The following RAB3IL1 variants were observed in gnomAD, a reference collection of about 807,000 sequenced individuals.
The protein encoded by RAB3IL1 is guanine nucleotide exchange factor for Rab-3A.
RAB3IL1 carries 37 observed loss-of-function variants against 49.2 expected under a neutral mutation model. That is an observed-to-expected ratio of 0.75 (90% CI 0.58 to 0.99). The LOEUF (loss-of-function observed/expected upper bound fraction) is 0.99, where lower values mean the gene tolerates loss of function less well. RAB3IL1 is among the 50% of genes least tolerant of loss of function. RAB3IL1 has a pLI of 0.00. For synonymous variants in RAB3IL1, 193 were observed against 213.9 expected (o/e 0.90, Z 0.85); for missense variants, 484 against 513.0 (o/e 0.94, Z 0.55).
chr11:61,945,802 G>A, the RAB3IL1 span: 1 of 985,384 alleles, frequency 1.0e-6, no homozygotes, highest in Non-Finnish European at 1.2e-6. Flanking sequence ...CAGAGTCCAT[G>A]GGGGACCTCG....
upstream of RAB3IL1, among the ~76,000 whole-genome samples, chr11:61,918,842 T>C (rs1939819017): frequency 6.6e-6 from 1 of 152,176 alleles, no homozygotes; most frequent in African/African-American, 2.4e-5. Flanking sequence ...CTTCCAACTT[T>C]CTAGAATCAT....
chr11:61,931,483 TCA>T, the RAB3IL1 span, among the ~76,000 whole-genome samples: 1 of 152,184 alleles, frequency 6.6e-6, no homozygotes, highest in Non-Finnish European at 1.5e-5. Context: ...ATGCTTGCCA[TCA>T]GTTTTTAAGA....
At chr11:61,936,659 AAAC>A in the RAB3IL1 span, among the ~76,000 whole-genome samples, 1 of 152,228 alleles carries the variant, frequency 6.6e-6, no homozygotes, top group Non-Finnish European at 1.5e-5. Context: ...AGAATCTTGA[AAAC>A]AACAAGAGAA....
chr11:61,938,486 G>A, the RAB3IL1 span, among the ~76,000 whole-genome samples: 1 of 152,022 alleles, frequency 6.6e-6, no homozygotes, highest in Admixed American at 6.6e-5. Flanking sequence ...TTGTTACAAG[G>A]GACAAAGAGA....
chr11:61,911,363 C>T (rs1320223577), intron 1 of RAB3IL1, among the ~76,000 whole-genome samples: 1 of 152,204 alleles, frequency 6.6e-6, no homozygotes, highest in Admixed American at 6.5e-5. Flanking sequence ...CCAGAATCTG[C>T]AGACCCTCTT....
the RAB3IL1 span, among the ~76,000 whole-genome samples, chr11:61,940,311 C>T: frequency 6.6e-6 from 1 of 151,852 alleles, no homozygotes; most frequent in African/African-American, 2.4e-5. Context: ...CATAGTGGCG[C>T]ATGCCTGTAA....
At chr11:61,905,630 G>C (rs983534853) in intron 5 of RAB3IL1, among the ~76,000 whole-genome samples, 2 of 152,086 alleles carry the variant, frequency 1.3e-5, no homozygotes. Flanking sequence ...TGTACATTCA[G>C]AAGCTCAGAG....
intron 9 of RAB3IL1, 80 bp downstream of exon 9, chr11:61,899,234 C>CAGGT: frequency 6.9e-7 from 1 of 1,447,156 alleles, no homozygotes; most frequent in Non-Finnish European, 9.4e-7. Context: ...CCACTAGGGG[C>CAGGT]AGGTGGGCCC....
the RAB3IL1 span, among the ~76,000 whole-genome samples, chr11:61,939,357 T>G: frequency 6.6e-6 from 1 of 152,154 alleles, no homozygotes; most frequent in East Asian, 1.9e-4. Context: ...CCAAAACTTA[T>G]CGAATACAGC....
At chr11:61,924,332 C>T (rs940741655), upstream of RAB3IL1, among the ~76,000 whole-genome samples, 1 of 152,154 alleles carries the variant, frequency 6.6e-6, no homozygotes, top group African/African-American at 2.4e-5. Flanking sequence ...TTGCTTCTTC[C>T]CCAAAAGATG....
the RAB3IL1 span, among the ~76,000 whole-genome samples, chr11:61,939,330 A>T: frequency 6.6e-6 from 1 of 152,150 alleles, no homozygotes; most frequent in Non-Finnish European, 1.5e-5. Context: ...GATGAATGAA[A>T]ATGAAAATAC....
intron 1 of RAB3IL1, 47 bp from the exon 2 acceptor site, chr11:61,908,353 G>A: frequency 5.7e-6 from 8 of 1,391,352 alleles, no homozygotes; most frequent in Non-Finnish European, 7.4e-6. Flanking sequence ...GGGTCCTGAG[G>A]CCTGGAGAGC....
In RAB3IL1 at chr11:61,898,407, C is replaced by A; in HGVS notation, c.1067-47G>T. The A allele has an allele frequency of 6.4e-7, 1 of 1,557,966 alleles. No homozygotes were observed. The highest frequency in any genetic ancestry group is 8.8e-7 in the Non-Finnish European group (1 of 1,132,242). ...ACAGGTCGGGGACAGCTCAGGGTCA[C>A]CTCGGGCAGATGGCCAGGTCCCCTC... On this transcript the variant is annotated intron_variant, in intron 9 of 9. Coordinates refer to ENST00000394836, the MANE Select transcript of RAB3IL1 (RefSeq NM_013401.4). This position sits in a 1 kb window ranked among gnomAD's most constrained non-coding sequence, Gnocchi z 5.1.
chr11:61,915,398 G>T (rs1170247549), intron 1 of RAB3IL1, among the ~76,000 whole-genome samples: 1 of 152,128 alleles, frequency 6.6e-6, no homozygotes, highest in Non-Finnish European at 1.5e-5. Context: ...GCTGTGTCTG[G>T]CCTTGGCCTG....
the RAB3IL1 span, among the ~76,000 whole-genome samples, chr11:61,943,149 A>C: frequency 1.3e-5 from 2 of 152,252 alleles, no homozygotes; most frequent in African/African-American, 4.8e-5. Flanking sequence ...GAAGTGACAT[A>C]TAGCTCAATA....
intron 1 of RAB3IL1, among the ~76,000 whole-genome samples, chr11:61,916,203 G>A (rs557986619): frequency 9.0e-4 from 137 of 152,052 alleles, no homozygotes; most frequent in Non-Finnish European, 1.5e-3. Flanking sequence ...AAAATTAGCC[G>A]GGTGTGGTGG....
chr11:61,904,445 TG>T, intron 7 of RAB3IL1, 100 bp downstream of exon 7: 1 of 1,162,642 alleles, frequency 8.6e-7, no homozygotes, highest in Non-Finnish European at 1.3e-6. Context: ...GTCCCTGTCC[TG>T]TCGGCGCTGC....
At chr11:61,920,126 T>C, upstream of RAB3IL1, 1 of 1,348,534 alleles carries the variant, frequency 7.4e-7, no homozygotes, top group Non-Finnish European at 9.6e-7. Flanking sequence ...GTCCCTGCAC[T>C]CATGGCCAGG....
At chr11:61,921,501 G>A (rs1228285828), upstream of RAB3IL1, among the ~76,000 whole-genome samples, 1 of 152,000 alleles carries the variant, frequency 6.6e-6, no homozygotes, top group Non-Finnish European at 1.5e-5. Flanking sequence ...TTTCTCTTTT[G>A]TTCATACCCC....
Sources: gnomAD v4.1 joint callset for allele counts (sites outside exome capture counted in the v4.1 genomes callset) on GRCh38, gnomAD v4.1.1 for gene constraint, Gnocchi (gnomAD v3.1) non-coding constraint, MANE v1.5 for transcripts, NCBI Gene and HGNC (gene_info 2026-07-23, HGNC 2026-07-21) for gene names.